Variants in ALDH1A3 observed in about 807,000 individuals in gnomAD.
ALDH1A3 encodes retinaldehyde dehydrogenase 3.
Under a neutral mutation model 57.5 loss-of-function variants are expected in ALDH1A3, and 28 were observed. The ratio of observed to expected loss-of-function variants is 0.49; its 90% confidence interval spans 0.36 to 0.67. ALDH1A3 has a LOEUF of 0.67. ALDH1A3 is among the 30% of genes least tolerant of loss of function. ALDH1A3 has a pLI of 0.00. For missense variants in ALDH1A3, 507 were observed against 669.4 expected (o/e 0.76, Z 2.68); for synonymous variants, 281 against 264.8 (o/e 1.06, Z -0.59).
intron 3 of ALDH1A3, among the ~76,000 whole-genome samples, chr15:100,891,654 C>A (rs1055863268): frequency 2.6e-5 from 4 of 152,218 alleles, no homozygotes; most frequent in Non-Finnish European, 4.4e-5. Context: ...CTTCCTTTTT[C>A]AATCACCATC....
In ALDH1A3 at chr15:100,894,028, G is replaced by A. The variant is rs764404173; in HGVS notation, c.612G>A (p.Lys204=). ...GCTGTGGGAACACCATGGTCCTGAA[G>A]CCTGCGGAGCAGACACCTCTCACCG... ...ALCCGNTMVL[K]PAEQTPLTAL... The change falls in exon 6 of 13, where the codon AAG becomes AAA. Residue 204 remains lysine, a synonymous_variant. Coordinates refer to ENST00000329841, the MANE Select transcript of ALDH1A3 (RefSeq NM_000693.4). This position sits in a 1 kb window ranked among gnomAD's most constrained non-coding sequence, Gnocchi z 4.5. The A allele has an allele frequency of 6.2e-7, 1 of 1,614,218 alleles. No homozygotes were observed. Among genetic ancestry groups the A allele is most frequent in the East Asian group, 2.2e-5 (1 of 44,886 alleles).
chr15:100,883,602 G>A (rs559350610), intron 1 of ALDH1A3, among the ~76,000 whole-genome samples: 6 of 151,890 alleles, frequency 4.0e-5, no homozygotes, highest in South Asian at 2.1e-4. Context: ...GTCCCCAACC[G>A]ACTCAGACCA....
chr15:100,904,938 C>G (rs1410825358), intron 9 of ALDH1A3, among the ~76,000 whole-genome samples: 3 of 152,200 alleles, frequency 2.0e-5, no homozygotes. Flanking sequence ...TGCACCATGA[C>G]AGGAGAATTC....
intron 12 of ALDH1A3, among the ~76,000 whole-genome samples, chr15:100,910,639 T>G (rs1171169042): frequency 6.6e-6 from 1 of 152,262 alleles, no homozygotes; most frequent in Non-Finnish European, 1.5e-5. Flanking sequence ...CCCACCGCAG[T>G]GCAGGACCTT....
rs1372536823 is a variant in ALDH1A3, at chr15:100,912,934, G to A, written c.1467-1767G>A. Among the ~76,000 whole-genome samples, 6 of 29,840 alleles carry A rather than the reference G, an allele frequency of 2.0e-4. 1 individual carries two copies. The highest frequency in any genetic ancestry group is 3.0e-4 in the Non-Finnish European group (4 of 13,322). 19.6% of individuals were successfully genotyped at this position (29,840 alleles called of 152,430 possible). A position where few individuals can be genotyped will look rare whatever the true frequency, so the allele number is the denominator to read the frequency against. On this transcript the variant is annotated intron_variant, in intron 12 of 12. Coordinates refer to ENST00000329841, the MANE Select transcript of ALDH1A3 (RefSeq NM_000693.4). ...AGCACTTTGGGAGGCCGAGGCGGGCGGATCACGAGGTCAGGAGATCGAGAC... is the reference window on the plus strand; with the variant it reads ...AGCACTTTGGGAGGCCGAGGCGGGCAGATCACGAGGTCAGGAGATCGAGAC...
At chr15:100,899,333 T>C (rs1196281720) in intron 8 of ALDH1A3, among the ~76,000 whole-genome samples, 1 of 152,200 alleles carries the variant, frequency 6.6e-6, no homozygotes, top group Non-Finnish European at 1.5e-5. Flanking sequence ...GACTCCTGTT[T>C]TGCTTTCCTG....
rs1231655696 is a variant in ALDH1A3 at position 100,879,946 on chromosome 15, G to C, written c.39G>C (p.Pro13=). ...ACGGGGCCGTGGAAAACGGGCAGCC[G>C]GACAGGAAGCCGCCGGCCCTGCCGC... ...TANGAVENGQ[P]DRKPPALPRP... The change falls in exon 1 of 13, where the codon CCG becomes CCC. Residue 13 remains proline (P), a synonymous_variant. Coordinates refer to ENST00000329841, the MANE Select transcript of ALDH1A3 (RefSeq NM_000693.4). 2.0e-5 allele frequency: 29 copies of C among 1,471,784 alleles called. No individual in the cohort carries two copies. Among genetic ancestry groups the C allele is most frequent in the Non-Finnish European group, 2.5e-5 (28 of 1,110,244 alleles). The allele number at this position is 1,471,784 out of a possible 1,614,324, so 91.2% of individuals were successfully genotyped here.
chr15:100,890,636 G>A (rs1172780314), intron 3 of ALDH1A3, among the ~76,000 whole-genome samples: 1 of 152,320 alleles, frequency 6.6e-6, no homozygotes, highest in Non-Finnish European at 1.5e-5. Flanking sequence ...GGCCCAGAGA[G>A]GTTAAGTAAC....
At chr15:100,911,286 G>A (rs2041880939) in intron 12 of ALDH1A3, among the ~76,000 whole-genome samples, 1 of 152,200 alleles carries the variant, frequency 6.6e-6, no homozygotes. Context: ...GGACTGGGCT[G>A]GCTTCTGGCC....
intron 1 of ALDH1A3, among the ~76,000 whole-genome samples, chr15:100,884,252 C>T (rs1164619807): frequency 6.6e-6 from 1 of 152,152 alleles, no homozygotes; most frequent in African/African-American, 2.4e-5. Flanking sequence ...TAGTTTTTTC[C>T]AAAAGCCCTC....
intron 1 of ALDH1A3, among the ~76,000 whole-genome samples, chr15:100,883,434 G>A (rs570097389): frequency 3.9e-5 from 6 of 152,254 alleles, no homozygotes; most frequent in African/African-American, 9.6e-5. Context: ...TTCCTGGTGC[G>A]CTTCCCTGGG....
intron 2 of ALDH1A3, among the ~76,000 whole-genome samples, chr15:100,886,197 G>A (rs1011194172): frequency 6.6e-6 from 1 of 152,204 alleles, no homozygotes; most frequent in African/African-American, 2.4e-5. Flanking sequence ...AATGCACACT[G>A]GCCCCACCTA....
chr15:100,885,877 A>C (rs2041590091), intron 2 of ALDH1A3, among the ~76,000 whole-genome samples: 1 of 152,216 alleles, frequency 6.6e-6, no homozygotes, highest in Admixed American at 6.5e-5. Flanking sequence ...AATTTACATG[A>C]GCATGGAAAG....
intron 1 of ALDH1A3, chr15:100,880,325 G>A: frequency 2.7e-6 from 1 of 372,342 alleles, no homozygotes; most frequent in Non-Finnish European, 4.8e-6. Flanking sequence ...GATCGCGAGT[G>A]GAGGTGCGCG....
At chr15:100,907,705 A>G in intron 11 of ALDH1A3, among the ~76,000 whole-genome samples, 1 of 152,204 alleles carries the variant, frequency 6.6e-6, no homozygotes. Flanking sequence ...AGATTAATGA[A>G]TTGAGGCTCA....
chr15:100,882,806 T>C (rs192284545), intron 1 of ALDH1A3, among the ~76,000 whole-genome samples: 1 of 152,372 alleles, frequency 6.6e-6, no homozygotes, highest in East Asian at 1.9e-4. Flanking sequence ...ACAGCCAGCA[T>C]AATCAGTAGA....
rs957272788 is a variant in ALDH1A3 at position 100,889,962 on chromosome 15, T to G, written c.345+2250T>G. Among the ~76,000 whole-genome samples the G allele has an allele frequency of 2.6e-5, 4 of 152,238 alleles. No individual in the cohort carries two copies. Among genetic ancestry groups the G allele is most frequent in the Non-Finnish European group, 4.4e-5 (3 of 68,048 alleles). ...TTTCCGTGCATGTTCATGGAGCGTG[T>G]TCTCTTGCCGGCTCAGTGGTTTGAC... On this transcript the variant is annotated intron_variant, in intron 3 of 12. Transcript: ENST00000329841. The surrounding 1 kb of genome is among the most constrained non-coding windows in gnomAD (Gnocchi z 5.1).
rs137939189 is a variant in ALDH1A3, at chr15:100,899,615, GGA to G, written c.884-958_884-957del. 7.1e-3 allele frequency among the ~76,000 whole-genome samples: 1,085 copies of G among 152,286 alleles called. 14 individuals carry two copies. Among genetic ancestry groups the G allele is most frequent in the African/African-American group, 0.025 (1,029 of 41,562 alleles). On this transcript the variant is annotated intron_variant, in intron 8 of 12. Coordinates refer to ENST00000329841, the MANE Select transcript of ALDH1A3 (RefSeq NM_000693.4). ...CTTCGCCTCACCCCTAGCTCCGTCA[GGA>G]GCAGGAAATGAGTCTGTTATCTCGG...
chr15:100,902,155 T>C (rs928918423), intron 9 of ALDH1A3, among the ~76,000 whole-genome samples: 2 of 151,440 alleles, frequency 1.3e-5, no homozygotes, highest in African/African-American at 4.8e-5. Context: ...ACCCCGTCGT[T>C]ATTTGTAAGT....
Sources: allele counts gnomAD v4.1 joint callset (sites outside exome capture counted in the v4.1 genomes callset), GRCh38; gene constraint gnomAD v4.1.1; non-coding constraint Gnocchi (gnomAD v3.1); transcripts MANE v1.5; gene names NCBI Gene and HGNC (gene_info 2026-07-23, HGNC 2026-07-21).